Variants in SUMF1 observed in about 807,000 individuals in gnomAD.
SUMF1 encodes the protein sulfatase modifying factor 1.
In SUMF1, 48 loss-of-function variants were observed where a neutral mutation model predicts 47.6. That is an observed-to-expected ratio of 1.01 (90% CI 0.80 to 1.28). The LOEUF is 1.28. SUMF1 is among the 50% of genes most tolerant of loss of function. The pLI is 0.00. For missense variants in SUMF1, 571 were observed against 485.4 expected (o/e 1.18, Z -1.66); for synonymous variants, 230 against 192.1 (o/e 1.20, Z -1.63).
chr3:4,350,667 T>A (rs1243913364), intron 8 of SUMF1, among the ~76,000 whole-genome samples: 2 of 152,256 alleles, frequency 1.3e-5, no homozygotes, highest in Non-Finnish European at 2.9e-5. Flanking sequence ...TAATTCTTAA[T>A]TAAAGCAGTA....
At chr3:4,067,668 A>T (rs1695409022) in intron 9 of SUMF1, among the ~76,000 whole-genome samples, 1 of 152,168 alleles carries the variant, frequency 6.6e-6, no homozygotes, top group Admixed American at 6.5e-5. Flanking sequence ...CTCTCTATGG[A>T]CATTAACACA....
At chr3:4,074,525 C>G (rs1692374805) in intron 8 of SUMF1, among the ~76,000 whole-genome samples, 1 of 151,920 alleles carries the variant, frequency 6.6e-6, no homozygotes, top group Non-Finnish European at 1.5e-5. Context: ...CACAAAAAAA[C>G]CCTTCAAAAA....
intron 8 of SUMF1, among the ~76,000 whole-genome samples, chr3:4,219,483 T>A (rs912589412): frequency 1.3e-5 from 2 of 152,150 alleles, no homozygotes; most frequent in African/African-American, 4.8e-5. Flanking sequence ...AAAAAACTGG[T>A]GACATAACTT....
chr3:4,286,697 AG>A (rs1697639773), intron 8 of SUMF1, among the ~76,000 whole-genome samples: 2 of 152,308 alleles, frequency 1.3e-5, no homozygotes, highest in Admixed American at 1.3e-4. Context: ...TAAAATAATA[AG>A]TTCAAAGATG....
chr3:4,412,694 G>A (rs192878926), intron 6 of SUMF1, among the ~76,000 whole-genome samples: 1 of 152,214 alleles, frequency 6.6e-6, no homozygotes, highest in Non-Finnish European at 1.5e-5. Flanking sequence ...GACTAGCCTG[G>A]CCAACATGGT....
At chr3:4,153,530 T>A (rs1208779288) in intron 8 of SUMF1, among the ~76,000 whole-genome samples, 2 of 150,826 alleles carry the variant, frequency 1.3e-5, no homozygotes, top group Non-Finnish European at 2.9e-5. Context: ...AGGTTTTTTT[T>A]TTTTTTACTG....
In SUMF1 at chr3:4,159,401, A is replaced by T. The variant is rs763918026; in HGVS notation, c.1015-90656T>A. 7.4e-5 allele frequency among the ~76,000 whole-genome samples: 11 copies of T among 148,728 alleles called. 1 individual carries two copies. The highest frequency in any genetic ancestry group is 1.5e-4 in the Non-Finnish European group (10 of 68,008). On this transcript the variant is annotated intron_variant and NMD_transcript_variant, in intron 8 of 12. Transcript: ENST00000448413. ...ACAACTTAACACTGATTGCATAAAC[A>T]AACTAACAAACCAGCAAAAAAACCA...
At chr3:4,346,651 C>T (rs527252273) in intron 8 of SUMF1, among the ~76,000 whole-genome samples, 43 of 151,400 alleles carry the variant, frequency 2.8e-4, no homozygotes, top group Middle Eastern at 3.4e-3. Context: ...ATCCAAAAAC[C>T]AGCAGAAGAC....
intron 8 of SUMF1, among the ~76,000 whole-genome samples, chr3:4,191,083 T>C (rs1400527428): frequency 6.6e-6 from 1 of 152,146 alleles, no homozygotes; most frequent in African/African-American, 2.4e-5. Flanking sequence ...TCTGAGGAGA[T>C]GACATCTTAA....
At chr3:4,170,659 G>A (rs552106110) in intron 8 of SUMF1, among the ~76,000 whole-genome samples, 1 of 152,174 alleles carries the variant, frequency 6.6e-6, no homozygotes. Flanking sequence ...ACAGAGTAGA[G>A]AGTCTGGGAT....
chr3:4,350,761 CT>C (rs1385448932), intron 8 of SUMF1, among the ~76,000 whole-genome samples: 1 of 151,998 alleles, frequency 6.6e-6, no homozygotes, highest in Non-Finnish European at 1.5e-5. Flanking sequence ...TCTCTATCTC[CT>C]TCTCTTCCTC....
chr3:4,213,178 C>T (rs1274691791), intron 8 of SUMF1, among the ~76,000 whole-genome samples: 1 of 152,138 alleles, frequency 6.6e-6, no homozygotes, highest in South Asian at 2.1e-4. Flanking sequence ...TCGGGTTACA[C>T]ACAAAGGAGA....
chr3:4,283,617 A>C lies in SUMF1; in HGVS notation c.1014+92713T>G, dbSNP rs185692196. ...GGTAACAGAGAAAATGGCCAACAGT[A>C]TATATAGGCTTTAATAAAGGAAAAA... On this transcript the variant is annotated intron_variant and NMD_transcript_variant, in intron 8 of 12. Transcript: ENST00000448413. Among the ~76,000 whole-genome samples the C allele has an allele frequency of 2.4e-3, 363 of 152,324 alleles. 3 individuals carry two copies. The highest frequency in any genetic ancestry group is 6.2e-3 in the African/African-American group (256 of 41,562).
intron 8 of SUMF1, chr3:4,316,434 G>A (rs923805680): frequency 4.4e-6 from 7 of 1,596,060 alleles, no homozygotes; most frequent in African/African-American, 4.0e-5. Context: ...AGTTGACAAC[G>A]ACCAGTTGAG....
intron 9 of SUMF1, among the ~76,000 whole-genome samples, chr3:4,052,228 T>C (rs1232735904): frequency 3.3e-5 from 5 of 152,138 alleles, no homozygotes; most frequent in Non-Finnish European, 7.3e-5. Flanking sequence ...GGCAGCTCTC[T>C]TTGGTCTCTT....
intron 8 of SUMF1, among the ~76,000 whole-genome samples, chr3:4,324,690 GAGGA>G (rs369968005): frequency 1.1e-3 from 174 of 152,268 alleles, no homozygotes; most frequent in South Asian, 2.3e-3. Flanking sequence ...AGAGGGAGTA[GAGGA>G]AATAAGGCTG....
rs749952592 is a variant in SUMF1, at chr3:4,179,851, AAAAC to A, written c.1015-111110_1015-111107del. Among the ~76,000 whole-genome samples the A allele has an allele frequency of 5.3e-5, 8 of 152,300 alleles. No individual in the cohort carries two copies. The South Asian group carries it at 1.0e-3, about 20-fold the overall frequency. On this transcript the variant is annotated intron_variant and NMD_transcript_variant, in intron 8 of 12. Coordinates refer to the SUMF1 transcript ENST00000448413. ...TGAACTCAAACAAATTTACAAGAAA[AAAAC>A]AAACAACCCCATCAAAAAGTGGGCA...
intron 9 of SUMF1, among the ~76,000 whole-genome samples, chr3:4,053,423 G>A (rs370576109): frequency 2.6e-5 from 4 of 152,110 alleles, no homozygotes; most frequent in South Asian, 4.1e-4. Flanking sequence ...CAGACACAAA[G>A]TGAGCACATG....
intron 8 of SUMF1, among the ~76,000 whole-genome samples, chr3:4,296,761 A>G (rs995087961): frequency 1.3e-5 from 2 of 151,998 alleles, no homozygotes; most frequent in Non-Finnish European, 2.9e-5. Flanking sequence ...TAATTATCCA[A>G]CCCACACTGT....
Sources: allele counts gnomAD v4.1 joint callset (sites outside exome capture counted in the v4.1 genomes callset), GRCh38; gene constraint gnomAD v4.1.1; transcripts MANE v1.5; gene names NCBI Gene and HGNC (gene_info 2026-07-23, HGNC 2026-07-21).